The following SRRM2 variants were observed in gnomAD, a reference collection of about 807,000 sequenced individuals.
SRRM2 encodes the protein serine/arginine repetitive matrix 2.
In SRRM2, 30 loss-of-function variants were observed where a neutral mutation model predicts 213.8. The ratio of observed to expected loss-of-function variants is 0.14; its 90% CI spans 0.10 to 0.19. The LOEUF is 0.19. Among genes scored for constraint, SRRM2 ranks in the 10% least tolerant of loss-of-function variants. The probability of loss-of-function intolerance (pLI) is 1.00; values close to 1 mark genes in which losing one functional copy is unlikely to be tolerated. For synonymous variants in SRRM2, 2,025 were observed against 1,377.7 expected (o/e 1.47, Z -10.40); for missense variants, 4,904 against 3,647.0 (o/e 1.34, Z -8.88).
In SRRM2 at chr16:2,769,089, G is replaced by C; in HGVS notation, c.7826G>C (p.Ser2609Thr). 1 of 1,614,030 alleles carries C rather than the reference G, an allele frequency of 6.2e-7. No individual in the cohort carries two copies. The highest frequency in any genetic ancestry group is 8.5e-7 in the Non-Finnish European group (1 of 1,180,012). Residue 2609 changes from serine (S) to threonine (T), a missense_variant, in exon 12 of 15, where the codon AGT (serine) becomes ACT (threonine). Ser to Thr is a moderately conservative substitution (Grantham distance 58). Transcript: ENST00000301740. Reference protein sequence around the residue: ...TPAKRKRRSSSSSSSSSSSSS... With the variant: ...TPAKRKRRSSTSSSSSSSSSS... Reference sequence around the variant, plus strand: ...GCCAAACGGAAGAGGCGCTCTAGCAGTTCCAGTTCCAGCTCCTCCTCTTCA... The same window carrying C: ...GCCAAACGGAAGAGGCGCTCTAGCACTTCCAGTTCCAGCTCCTCCTCTTCA...
intron 11 of SRRM2, 50 bp downstream of exon 11, chr16:2,768,311 T>TG (rs1174967745): frequency 1.4e-6 from 2 of 1,400,562 alleles, no homozygotes; most frequent in Non-Finnish European, 1.9e-6. Flanking sequence ...GTATTGGGGA[T>TG]GGGTTGGGGA....
At position 2,764,985 on chromosome 16, in the gene SRRM2, C is replaced by A. The variant is rs757891202; in HGVS notation, c.4457C>A (p.Pro1486Gln). ...AGCGAATGTGATTCTTCCCCAGAAC[C>A]GAAAGCTTTGCCTCAGACTCCTAGG... Reference protein sequence around the residue: ...GRSECDSSPEPKALPQTPRPR... With the variant: ...GRSECDSSPEQKALPQTPRPR... The change falls in exon 11 of 15, where the codon CCG becomes CAG. Residue 1486 changes from proline to glutamine, a missense_variant. Transcript: ENST00000301740. 5 of 1,613,862 alleles carry A rather than the reference C, an allele frequency of 3.1e-6. No homozygotes were observed. Among genetic ancestry groups the A allele is most frequent in the Non-Finnish European group, 4.2e-6 (5 of 1,180,016 alleles).
rs1350682635 is a variant in SRRM2, at chr16:2,761,812, C to G, written c.1284C>G (p.Thr428=). ...GCAGCCCACCATCCCCTCAACCTAC[C>G]AAAGTTTCTCGGCATGCCAGCTCTT... ...SESSPPSPQP[T]KVSRHASSSP... is the part of the protein sequence containing the mutation. Residue 428 remains threonine, a synonymous_variant, in exon 11 of 15, where the codon ACC becomes ACG. Transcript: ENST00000301740. 6.2e-7 allele frequency: 1 copy of G among 1,614,022 alleles called. No homozygotes were observed. The highest frequency in any genetic ancestry group is 1.1e-5 in the South Asian group (1 of 91,072).
rs762577418 is a variant in SRRM2 at position 2,756,430 on chromosome 16, C to A, written c.66C>A (p.Asn22Lys). The change falls in exon 2 of 15, where the codon AAC (asparagine) becomes AAA (lysine). Residue 22 changes from asparagine to lysine, a missense_variant. By Grantham distance (94) the Asn-to-Lys change is moderately conservative. Coordinates refer to ENST00000301740, the MANE Select transcript of SRRM2 (RefSeq NM_016333.4). The part of the protein sequence containing the change: ...GSGTNGYVQR[N>K]LSLVRGRRGE... ...GCACCAACGGCTACGTCCAGCGCAA[C>A]CTGTCCCTGGTGCGGGGCCGCCGGG... 2 of 1,612,262 alleles carry A rather than the reference C, an allele frequency of 1.2e-6. No homozygotes were observed. The highest frequency in any genetic ancestry group is 3.3e-5 in the Admixed American group (2 of 59,876).
Position 2,769,137 on chromosome 16 carries a change from C to T in SRRM2, c.7874C>T (p.Ser2625Phe), listed in dbSNP as rs575011701. Residue 2625 changes from serine to phenylalanine, a missense_variant, in exon 12 of 15, where the codon TCC (serine) becomes TTC (phenylalanine). By Grantham distance (155) the Ser-to-Phe change is radical (BLOSUM62 -2). Coordinates refer to ENST00000301740, the MANE Select transcript of SRRM2 (RefSeq NM_016333.4). ...SSSSSSSSSS[S>F]SSSSSSSSSS... The stretch of plus-strand genomic sequence containing the variant: ...TCATCTTCCTCCTCCTCCTCCTCCT[C>T]CTCTTCTTCCTCCTCCTCTTCCTCT... The T allele has an allele frequency of 9.3e-6, 15 of 1,612,990 alleles. No individual in the cohort carries two copies. The highest frequency in any genetic ancestry group is 2.2e-5 in the East Asian group (1 of 44,878).
Position 2,761,796 on chromosome 16 carries a change from C to T in SRRM2, c.1268C>T (p.Pro423Leu), listed in dbSNP as rs749849748. The change falls in exon 11 of 15, where the codon CCA becomes CTA. Residue 423 changes from proline to leucine, a missense_variant. By Grantham distance (98) the Pro-to-Leu change is moderately conservative (BLOSUM62 -3). Coordinates refer to ENST00000301740, the MANE Select transcript of SRRM2 (RefSeq NM_016333.4). The part of the protein sequence containing the change: ...PQSSSSESSP[P>L]SPQPTKVSRH... ...TCTTCTTCCTCAGAGAGCAGCCCAC[C>T]ATCCCCTCAACCTACCAAAGTTTCT... The T allele has an allele frequency of 2.4e-5, 38 of 1,613,942 alleles. No homozygotes were observed. The South Asian group carries it at 3.0e-4, about 13-fold the overall frequency.
Position 2,767,857 on chromosome 16 carries a change from A to G in SRRM2, c.7329A>G (p.Ala2443=). 1 of 1,613,974 alleles carries G rather than the reference A, an allele frequency of 6.2e-7. No homozygotes were observed. The highest frequency in any genetic ancestry group is 8.5e-7 in the Non-Finnish European group (1 of 1,179,994). The stretch of plus-strand genomic sequence containing the variant: ...CTTCACAGTCTCTTCTCCCTCCAGC[A>G]CAGGATCAGCCGAGGTCTCCTGTGC... ...QAPSQSLLPP[A]QDQPRSPVPS... Residue 2443 remains alanine (A), a synonymous_variant, in exon 11 of 15, where the codon GCA becomes GCG. Transcript: ENST00000301740.
rs759972051 is a variant in SRRM2, at chr16:2,763,047, C to G, written c.2519C>G (p.Pro840Arg). 1 of 1,614,188 alleles carries G rather than the reference C, an allele frequency of 6.2e-7. No individual in the cohort carries two copies. Among genetic ancestry groups the G allele is most frequent in the Admixed American group, 1.7e-5 (1 of 60,024 alleles). ...AGACAAAGTCATTCCAGTTCATCTCCTCATCCTAAAGTGAAATCTGGAACA... is the reference window on the plus strand; with the variant it reads ...AGACAAAGTCATTCCAGTTCATCTCGTCATCCTAAAGTGAAATCTGGAACA... ...PSRQSHSSSSPHPKVKSGTPP... is the reference protein window; with the variant it reads ...PSRQSHSSSSRHPKVKSGTPP... Residue 840 changes from proline to arginine, a missense_variant, in exon 11 of 15, where the codon CCT becomes CGT. Physicochemically the swap from Pro to Arg is moderately radical, Grantham distance 103 (BLOSUM62 -2). Transcript: ENST00000301740.
rs1052079460 is a variant in SRRM2, at chr16:2,761,451, G to C, written c.1033-110G>C. 10 of 855,936 alleles carry C rather than the reference G, an allele frequency of 1.2e-5. No individual in the cohort carries two copies. In the Admixed American group the frequency reaches 2.5e-4, roughly 21 times the overall value. The allele number at this position is 855,936 out of a possible 1,614,324, so 53.0% of individuals were successfully genotyped here. ...GAATGAAAGTGATCGCTTGTGGTCA[G>C]AGGGTGTGTAAAAGAAAAGTTATCA... On this transcript the variant is annotated intron_variant, in intron 10 of 14. Transcript: ENST00000301740.
rs1251024837 is a variant in SRRM2 at position 2,761,644 on chromosome 16, G to A, written c.1116G>A (p.Glu372=). ...EPPAPTPLLA[E]RHGGSPQPLA... Reference sequence around the variant, plus strand: ...CTGCTCCCACTCCGCTCCTTGCTGAGCGACATGGCGGCTCCCCACAACCCC... The same window carrying A: ...CTGCTCCCACTCCGCTCCTTGCTGAACGACATGGCGGCTCCCCACAACCCC... The change falls in exon 11 of 15, where the codon GAG becomes GAA. Residue 372 remains glutamate, a synonymous_variant. Transcript: ENST00000301740. 2 of 1,584,376 alleles carry A rather than the reference G, an allele frequency of 1.3e-6. No homozygotes were observed. The highest frequency in any genetic ancestry group is 4.5e-5 in the East Asian group (2 of 44,802).
chr16:2,759,815 T>C (rs1215980735), intron 9 of SRRM2, 154 bp downstream of exon 9: 13 of 637,452 alleles, frequency 2.0e-5, no homozygotes, highest in Non-Finnish European at 3.5e-5. Flanking sequence ...AGCAACAGGA[T>C]GGACAGACAT....
chr16:2,763,198 C>G lies in SRRM2; in HGVS notation c.2670C>G (p.Ser890Arg), dbSNP rs748908099. 6.2e-7 allele frequency: 1 copy of G among 1,614,116 alleles called. No homozygotes were observed. Among genetic ancestry groups the G allele is most frequent in the Non-Finnish European group, 8.5e-7 (1 of 1,180,026 alleles). The change falls in exon 11 of 15, where the codon AGC (serine) becomes AGG (arginine). Residue 890 changes from serine to arginine, a missense_variant. By Grantham distance (110) the Ser-to-Arg change is moderately radical. Coordinates refer to ENST00000301740, the MANE Select transcript of SRRM2 (RefSeq NM_016333.4). ...ELKSRTPSRHSCSGSSPPRVK... is the reference protein window; with the variant it reads ...ELKSRTPSRHRCSGSSPPRVK... ...AATCTAGGACCCCTTCTAGACATAG[C>G]TGCTCAGGGTCCTCTCCTCCTAGAG...
At position 2,771,317 on chromosome 16, in the gene SRRM2, C is replaced by A; in HGVS notation, c.*450C>A. The A allele has an allele frequency of 7.8e-7, 1 of 1,282,552 alleles. No homozygotes were observed. Among genetic ancestry groups the A allele is most frequent in the Non-Finnish European group, 1.1e-6 (1 of 888,824 alleles). The allele number at this position is 1,282,552 out of a possible 1,614,324, so 79.4% of individuals were successfully genotyped here. A position where few individuals can be genotyped will look rare whatever the true frequency, so the allele number is the denominator to read the frequency against. The stretch of plus-strand genomic sequence containing the variant: ...CCCCATGAGGTTGTGAACCCCTCCC[C>A]CCAACTTTTCATGTTTCTTAAAGGC... On this transcript the variant is annotated 3_prime_UTR_variant, in exon 15 of 15. Transcript: ENST00000301740.
Position 2,756,603 on chromosome 16 carries a change from A to G in SRRM2, c.239A>G (p.Gln80Arg), listed in dbSNP as rs2068150444. The change falls in exon 2 of 15, where the codon CAG becomes CGG. Residue 80 changes from glutamine (Q) to arginine (R), a missense_variant. Transcript: ENST00000301740. ...CLELEEMMEE[Q>R]GYEEQQIQEK... ...GAGCTGGAGGAGATGATGGAAGAGC[A>G]GGGGTGAGGGAGAGCTGGGGGAGAG... 1 of 1,611,574 alleles carries G rather than the reference A, an allele frequency of 6.2e-7. No homozygotes were observed. The highest frequency in any genetic ancestry group is 8.5e-7 in the Non-Finnish European group (1 of 1,178,644).
At chr16:2,759,541 C>T in intron 8 of SRRM2, 28 bp from the exon 9 acceptor site, 2 of 1,609,870 alleles carry the variant, frequency 1.2e-6, no homozygotes, top group Non-Finnish European at 1.7e-6. Context: ...CAGCAGTACC[C>T]TGAGCTGTGG....
At position 2,763,176 on chromosome 16, in the gene SRRM2, C is replaced by G. The variant is rs17136053; in HGVS notation, c.2648C>G (p.Ser883Cys). 4.6e-3 allele frequency: 7,426 copies of G among 1,614,054 alleles called. 307 individuals carry two copies. The African/African-American group carries it at 0.088, about 19-fold the overall frequency. ...FESSPDPELKSRTPSRHSCSG... is the reference protein window; with the variant it reads ...FESSPDPELKCRTPSRHSCSG... ...TCATCACCTGACCCTGAGTTGAAATCTAGGACCCCTTCTAGACATAGCTGC... is the reference window on the plus strand; with the variant it reads ...TCATCACCTGACCCTGAGTTGAAATGTAGGACCCCTTCTAGACATAGCTGC... The change falls in exon 11 of 15, where the codon TCT becomes TGT. Residue 883 changes from serine to cysteine, a missense_variant. By Grantham distance (112) the Ser-to-Cys change is moderately radical (BLOSUM62 -1). Coordinates refer to ENST00000301740, the MANE Select transcript of SRRM2 (RefSeq NM_016333.4).
chr16:2,759,525 C>G (rs773888417), intron 8 of SRRM2, 44 bp from the exon 9 acceptor site: 3 of 1,606,686 alleles, frequency 1.9e-6, no homozygotes, highest in Admixed American at 1.7e-5. Flanking sequence ...GAATCCAGGG[C>G]AGGTACAGCA....
intron 1 of SRRM2, among the ~76,000 whole-genome samples, chr16:2,754,014 G>C (rs936690162): frequency 6.6e-6 from 1 of 152,140 alleles, no homozygotes; most frequent in South Asian, 2.1e-4. Context: ...CAACAGAAAA[G>C]GGTGTTTTTG....
In SRRM2 at chr16:2,763,838, C is replaced by A; in HGVS notation, c.3310C>A (p.Pro1104Thr). The A allele has an allele frequency of 6.2e-7, 1 of 1,614,216 alleles. No individual in the cohort carries two copies. Among genetic ancestry groups the A allele is most frequent in the Non-Finnish European group, 8.5e-7 (1 of 1,180,048 alleles). ...PKGGRSRSSS[P>T]VTELASRSPI... ...GGGAGGTCGGTCCAGGTCTTCATCTCCAGTCACTGAGCTGGCATCCAGATC... is the reference window on the plus strand; with the variant it reads ...GGGAGGTCGGTCCAGGTCTTCATCTACAGTCACTGAGCTGGCATCCAGATC... The change falls in exon 11 of 15, where the codon CCA becomes ACA. Residue 1104 changes from proline to threonine, a missense_variant. Physicochemically the swap from Pro to Thr is conservative, Grantham distance 38. Coordinates refer to ENST00000301740, the MANE Select transcript of SRRM2 (RefSeq NM_016333.4).
Sources: gnomAD v4.1 joint callset for allele counts (sites outside exome capture counted in the v4.1 genomes callset) on GRCh38, gnomAD v4.1.1 for gene constraint, MANE v1.5 for transcripts, NCBI Gene and HGNC (gene_info 2026-07-23, HGNC 2026-07-21) for gene names.